Variants in SPOCK3 observed in about 807,000 individuals in gnomAD.
SPOCK3 encodes SPARC (osteonectin), cwcv and kazal like domains proteoglycan 3.
Under a neutral mutation model 56.6 loss-of-function variants are expected in SPOCK3, and 30 were observed. That is an observed-to-expected ratio of 0.53 (90% CI 0.40 to 0.72). SPOCK3 has a LOEUF of 0.72. SPOCK3 is among the 30% of genes least tolerant of loss of function. SPOCK3 has a pLI of 0.00. For synonymous variants in SPOCK3, 196 were observed against 183.3 expected, an observed-to-expected ratio of 1.07 and a Z score of -0.56; for missense variants, 527 against 530.0, an observed-to-expected ratio of 0.99 and a Z score of 0.06.
At chr4:166,911,132 C>A (rs1019157052) in intron 5 of SPOCK3, among the ~76,000 whole-genome samples, 10 of 152,144 alleles carry the variant, frequency 6.6e-5, no homozygotes, top group African/African-American at 2.2e-4. Context: ...GTTGAAAGGA[C>A]CCCTGACACA....
In SPOCK3 at chr4:166,734,665, C is replaced by G. The variant is rs757686439; in HGVS notation, c.*256G>C. On this transcript the variant is annotated 3_prime_UTR_variant, in exon 11 of 11. Coordinates refer to ENST00000357545, the MANE Select transcript of SPOCK3 (RefSeq NM_001040159.2). ...TCTCGTGAAAAACTTATTATAGTAG[C>G]ACTTCAAAACTTTATTTTGTCTGAC... 3.2e-6 allele frequency: 1 copy of G among 313,014 alleles called. No individual in the cohort carries two copies. Among genetic ancestry groups the G allele is most frequent in the Non-Finnish European group, 5.8e-6 (1 of 173,508 alleles). 19.4% of individuals were successfully genotyped at this position (313,014 alleles called of 1,614,324 possible).
At chr4:167,156,260 T>C (rs1350037566) in intron 2 of SPOCK3, among the ~76,000 whole-genome samples, 1 of 152,128 alleles carries the variant, frequency 6.6e-6, no homozygotes, top group African/African-American at 2.4e-5. Context: ...AGTGCAGATA[T>C]AGAGATATAG....
chr4:166,852,877 CTG>C (rs1427685589), intron 6 of SPOCK3, among the ~76,000 whole-genome samples: 1 of 152,124 alleles, frequency 6.6e-6, no homozygotes, highest in African/African-American at 2.4e-5. Flanking sequence ...AAAATGGTAA[CTG>C]TTACATTTTA....
chr4:166,769,757 T>C (rs962702905), intron 7 of SPOCK3, among the ~76,000 whole-genome samples: 1 of 152,186 alleles, frequency 6.6e-6, no homozygotes, highest in Non-Finnish European at 1.5e-5. Flanking sequence ...TTCTGCTGCC[T>C]TTTGTTCAGC....
intron 2 of SPOCK3, among the ~76,000 whole-genome samples, chr4:167,169,100 G>A (rs899127823): frequency 6.6e-6 from 1 of 152,174 alleles, no homozygotes; most frequent in African/African-American, 2.4e-5. Context: ...GGATGCCCAC[G>A]AAGAAGTTTG....
intron 4 of SPOCK3, among the ~76,000 whole-genome samples, chr4:166,955,462 AATATT>A (rs1249731993): frequency 1.5e-4 from 22 of 146,756 alleles, no homozygotes; most frequent in African/African-American, 4.5e-4. Flanking sequence ...TTATAATATA[AATATT>A]ATATTATATT....
At chr4:166,843,950 A>C (rs1281416930) in intron 6 of SPOCK3, among the ~76,000 whole-genome samples, 1 of 152,144 alleles carries the variant, frequency 6.6e-6, no homozygotes, top group Non-Finnish European at 1.5e-5. Flanking sequence ...TGGCCTAGCT[A>C]TCCTCATCAT....
At chr4:167,108,764 G>C (rs1183761087) in intron 2 of SPOCK3, among the ~76,000 whole-genome samples, 2 of 150,714 alleles carry the variant, frequency 1.3e-5, no homozygotes, top group Admixed American at 6.7e-5. Flanking sequence ...AGTAACTGTA[G>C]TCAAAAATAA....
rs527319864 is a variant in SPOCK3, at chr4:166,879,962, A to G, written c.589+9168T>C. ...GCCTGCTTCCCCTTTGCCTTCTACC[A>G]TGATTGTAAATTTCCTGAGGCCTCC... On this transcript the variant is annotated intron_variant, in intron 6 of 10. Transcript: ENST00000357545. 2.6e-5 allele frequency among the ~76,000 whole-genome samples: 4 copies of G among 152,178 alleles called. No homozygotes were observed. In the East Asian group the frequency reaches 7.7e-4, roughly 29 times the overall value.
At chr4:166,742,589 T>A (rs1734998776) in intron 8 of SPOCK3, among the ~76,000 whole-genome samples, 2 of 152,132 alleles carry the variant, frequency 1.3e-5, no homozygotes, top group Admixed American at 1.3e-4. Context: ...TCTTTCCAGT[T>A]ATGTTAAAGA....
intron 4 of SPOCK3, among the ~76,000 whole-genome samples, chr4:166,949,890 A>G (rs13143279): frequency 0.98 from 148,664 of 151,378 alleles, 73,026 homozygotes; most frequent in East Asian, 1. Flanking sequence ...AATGCTGAGC[A>G]ATTTTGTCAC....
intron 4 of SPOCK3, among the ~76,000 whole-genome samples, chr4:166,981,134 C>T (rs563588354): frequency 6.6e-6 from 1 of 151,032 alleles, no homozygotes; most frequent in Admixed American, 6.6e-5. Context: ...AACAAGTGTC[C>T]AGCTTTCAGC....
intron 2 of SPOCK3, among the ~76,000 whole-genome samples, chr4:167,173,406 C>T (rs554562605): frequency 1.3e-5 from 2 of 152,188 alleles, no homozygotes; most frequent in East Asian, 1.9e-4. Flanking sequence ...TAGTTTGAGG[C>T]TGTATTTCCA....
At chr4:167,103,791 A>ACCAAATT (rs1759859218) in intron 2 of SPOCK3, among the ~76,000 whole-genome samples, 1 of 152,132 alleles carries the variant, frequency 6.6e-6, no homozygotes, top group Admixed American at 6.6e-5. Flanking sequence ...GGTGAGACTC[A>ACCAAATT]GTGCTGTGCT....
chr4:166,891,933 A>G (rs1417102530), intron 5 of SPOCK3, among the ~76,000 whole-genome samples: 1 of 152,012 alleles, frequency 6.6e-6, no homozygotes, highest in Non-Finnish European at 1.5e-5. Flanking sequence ...TAGATGTGTT[A>G]TACCACACTC....
intron 2 of SPOCK3, among the ~76,000 whole-genome samples, chr4:167,076,913 C>T (rs772110971): frequency 4.0e-5 from 6 of 151,780 alleles, no homozygotes; most frequent in Non-Finnish European, 8.8e-5. Context: ...CTTTTAGAAA[C>T]ATACCAATAA....
At chr4:166,857,906 G>GT (rs1256649599) in intron 6 of SPOCK3, among the ~76,000 whole-genome samples, 1 of 152,082 alleles carries the variant, frequency 6.6e-6, no homozygotes, top group East Asian at 1.9e-4. Context: ...CCTTTTCTAT[G>GT]TATCTTGGGG....
At chr4:167,070,778 T>C (rs1042372601) in intron 2 of SPOCK3, among the ~76,000 whole-genome samples, 5 of 151,978 alleles carry the variant, frequency 3.3e-5, no homozygotes, top group Admixed American at 1.3e-4. Flanking sequence ...GAAACTTTCC[T>C]GTGTAGAAAT....
intron 3 of SPOCK3, among the ~76,000 whole-genome samples, chr4:167,051,837 A>T (rs1754234087): frequency 6.6e-6 from 1 of 152,164 alleles, no homozygotes; most frequent in Non-Finnish European, 1.5e-5. Context: ...TGCCATTGTC[A>T]TTTCACTTCC....
Sources: allele counts gnomAD v4.1 joint callset (sites outside exome capture counted in the v4.1 genomes callset), GRCh38; gene constraint gnomAD v4.1.1; transcripts MANE v1.5; gene names NCBI Gene and HGNC (gene_info 2026-07-23, HGNC 2026-07-21).